USP1: variants seen among roughly 807,000 people sequenced by gnomAD.
The protein encoded by USP1 is ubiquitin specific peptidase 1, also known as ubiquitin carboxyl-terminal hydrolase 1.
A neutral mutation model predicts 72.2 loss-of-function variants in USP1; 18 were observed. That is an observed-to-expected ratio of 0.25 (90% CI 0.17 to 0.37). USP1 has a LOEUF of 0.37. Among genes scored for constraint, USP1 ranks in the 10% least tolerant of loss-of-function variants. The pLI is 1.00. For missense variants in USP1, 759 were observed against 884.9 expected (o/e 0.86, Z 1.81); for synonymous variants, 354 against 303.7 (o/e 1.17, Z -1.72).
Position 62,450,610 on chromosome 1 carries a change from G to C in USP1, c.1987G>C (p.Val663Leu). ...QPSKVLNKKNVEAIGLLGGQK... is the reference protein window; with the variant it reads ...QPSKVLNKKNLEAIGLLGGQK... ...AAGTAAAGTTTTGAACAAAAAAAAT[G>C]TAGAAGCTATTGGACTTCTTGGAGG... The change falls in exon 9 of 9, where the codon GTA becomes CTA. Residue 663 changes from valine (V) to leucine (L), a missense_variant. By Grantham distance (32) the Val-to-Leu change is conservative (BLOSUM62 1). Transcript: ENST00000339950. 6.2e-7 allele frequency: 1 copy of C among 1,614,106 alleles called. No homozygotes were observed. Among genetic ancestry groups the C allele is most frequent in the Admixed American group, 1.7e-5 (1 of 60,018 alleles).
chr1:62,450,941 C>G lies in USP1; in HGVS notation c.2318C>G (p.Pro773Arg), dbSNP rs200548468. The G allele has an allele frequency of 6.2e-7, 1 of 1,608,602 alleles. No individual in the cohort carries two copies. Among genetic ancestry groups the G allele is most frequent in the Non-Finnish European group, 8.5e-7 (1 of 1,178,598 alleles). ...FLNSLSPSTS[P>R]TSTPYLLFYK... ...AATTCTCTTTCCCCTTCTACATCTCCTACTTCTACTCCTTACTTGCTATTT... is the reference window on the plus strand; with the variant it reads ...AATTCTCTTTCCCCTTCTACATCTCGTACTTCTACTCCTTACTTGCTATTT... The change falls in exon 9 of 9, where the codon CCT (proline) becomes CGT (arginine). Residue 773 changes from proline to arginine, a missense_variant. Physicochemically the swap from Pro to Arg is moderately radical, Grantham distance 103. Around this residue, in one of 9 missense-constraint regions of USP1, gnomAD observed 22 missense variants for 23.4 expected, o/e 0.94. Transcript: ENST00000339950.
intron 6 of USP1, among the ~76,000 whole-genome samples, chr1:62,446,243 G>C (rs1175623649): frequency 2.0e-5 from 3 of 151,944 alleles, no homozygotes; most frequent in African/African-American, 7.3e-5. Flanking sequence ...AGCCTATATG[G>C]TATAGACCAG....
At chr1:62,444,251 C>T (rs1440629393) in intron 5 of USP1, among the ~76,000 whole-genome samples, 1 of 128,424 alleles carries the variant, frequency 7.8e-6, no homozygotes, top group Admixed American at 8.2e-5. Flanking sequence ...AGATCAAGAC[C>T]CTTGTCTCCA....
chr1:62,448,427 T>G, intron 7 of USP1, 38 bp from the exon 8 acceptor site: 12 of 1,586,562 alleles, frequency 7.6e-6, no homozygotes, highest in Non-Finnish European at 9.5e-6. Flanking sequence ...TTTGAATGCC[T>G]GAGAGAAGTA....
At chr1:62,450,141 GAT>G (rs1645203876) in intron 8 of USP1, 103 bp from the exon 9 acceptor site, 1 of 1,364,734 alleles carries the variant, frequency 7.3e-7, no homozygotes, top group Admixed American at 2.5e-5. Flanking sequence ...ATGAACACTG[GAT>G]ATTAAGGGTT....
Position 62,451,097 on chromosome 1 carries a change from C to T in USP1, c.*116C>T, listed in dbSNP as rs934609499. ...TGAAGCTACTGGATATTATTGGTCTCTCTAGGTTTTTATATAAATAGTGAA... is the reference window on the plus strand; with the variant it reads ...TGAAGCTACTGGATATTATTGGTCTTTCTAGGTTTTTATATAAATAGTGAA... On this transcript the variant is annotated 3_prime_UTR_variant, in exon 9 of 9. Transcript: ENST00000339950. 3 of 1,056,682 alleles carry T rather than the reference C, an allele frequency of 2.8e-6. No homozygotes were observed. In the African/African-American group the frequency reaches 4.9e-5, roughly 17 times the overall value. The allele number at this position is 1,056,682 out of a possible 1,614,324, so 65.5% of individuals were successfully genotyped here.
rs1245289179 is a variant in USP1 at position 62,445,385 on chromosome 1, C to G, written c.1205C>G (p.Thr402Ser). The change falls in exon 6 of 9, where the codon ACT becomes AGT. Residue 402 changes from threonine to serine, a missense_variant. By Grantham distance (58) the Thr-to-Ser change is moderately conservative. Transcript: ENST00000339950. Reference sequence around the variant, plus strand: ...TGTGGACTTGAATCTCCAGGAAATACTGTTACACCTGTAAATGTTAATGAA... The same window carrying G: ...TGTGGACTTGAATCTCCAGGAAATAGTGTTACACCTGTAAATGTTAATGAA... The part of the protein sequence containing the change: ...NGCGLESPGN[T>S]VTPVNVNEVK... 6.3e-7 allele frequency: 1 copy of G among 1,591,928 alleles called. No homozygotes were observed. The highest frequency in any genetic ancestry group is 8.5e-7 in the Non-Finnish European group (1 of 1,172,098).
At chr1:62,443,664 T>C (rs536473698) in intron 5 of USP1, among the ~76,000 whole-genome samples, 2 of 152,330 alleles carry the variant, frequency 1.3e-5, no homozygotes, top group African/African-American at 2.4e-5. Context: ...CATATAATCA[T>C]TGAATCTGAA....
At chr1:62,443,372 C>A in intron 5 of USP1, 53 bp downstream of exon 5, 2 of 1,477,390 alleles carry the variant, frequency 1.4e-6, no homozygotes, top group Non-Finnish European at 1.8e-6. Flanking sequence ...TGTTTATATC[C>A]TTGGAGGAGA....
intron 2 of USP1, among the ~76,000 whole-genome samples, chr1:62,440,490 TTAAG>T (rs1486220826): frequency 1.2e-4 from 19 of 152,204 alleles, no homozygotes; most frequent in Admixed American, 3.3e-4. Context: ...AAAATAAACT[TTAAG>T]TAATGCTTTT....
At chr1:62,447,213 C>A in intron 6 of USP1, 128 bp from the exon 7 acceptor site, 1 of 901,034 alleles carries the variant, frequency 1.1e-6, no homozygotes, top group Non-Finnish European at 1.6e-6. Context: ...GCTAATAATG[C>A]TAATAAGCTG....
intron 6 of USP1, 43 bp downstream of exon 6, chr1:62,445,472 G>C (rs758264762): frequency 6.9e-7 from 1 of 1,445,618 alleles, no homozygotes; most frequent in East Asian, 2.4e-5. Context: ...AGCATTAGCA[G>C]CTACAGAATT....
intron 6 of USP1, among the ~76,000 whole-genome samples, chr1:62,446,917 C>T (rs571747176): frequency 1.7e-3 from 258 of 152,152 alleles, no homozygotes; most frequent in African/African-American, 5.8e-3. Flanking sequence ...CGGGTTCAAG[C>T]GATCCTCCTG....
intron 6 of USP1, among the ~76,000 whole-genome samples, chr1:62,446,331 T>TG (rs2149206787): frequency 6.6e-6 from 1 of 151,134 alleles, no homozygotes; most frequent in African/African-American, 2.4e-5. Flanking sequence ...ACACTAATGA[T>TG]AGCTGATGAG....
intron 6 of USP1, 40 bp from the exon 7 acceptor site, chr1:62,447,301 C>A: frequency 6.5e-7 from 1 of 1,549,608 alleles, no homozygotes; most frequent in South Asian, 1.2e-5. Context: ...TAATGAGAAA[C>A]TAATCTGTAT....
rs575824597 is a variant in USP1 at position 62,437,676 on chromosome 1, G to T, written c.-70+276G>T. Among the ~76,000 whole-genome samples the T allele has an allele frequency of 5.9e-5, 9 of 152,318 alleles. No individual in the cohort carries two copies. In the South Asian group the frequency reaches 1.9e-3, roughly 32 times the overall value. On this transcript the variant is annotated intron_variant, in intron 1 of 8. Transcript: ENST00000339950. Reference sequence around the variant, plus strand: ...GAGGACGCCGCCGCCAGCCTCCCCCGACCGGGCAGCCTGGTCGCTGCTCGT... The same window carrying T: ...GAGGACGCCGCCGCCAGCCTCCCCCTACCGGGCAGCCTGGTCGCTGCTCGT...
chr1:62,437,533 G>C (rs2149203142), intron 1 of USP1, 133 bp downstream of exon 1: 1 of 202,278 alleles, frequency 4.9e-6, no homozygotes, highest in East Asian at 1.0e-4. Context: ...AGGGGGAGCC[G>C]TGTGTGCCTC....
intron 6 of USP1, among the ~76,000 whole-genome samples, chr1:62,446,973 C>G (rs1645179881): frequency 6.6e-6 from 1 of 152,070 alleles, no homozygotes; most frequent in Non-Finnish European, 1.5e-5. Flanking sequence ...CACCACCACA[C>G]CCGGCTAATT....
intron 6 of USP1, among the ~76,000 whole-genome samples, chr1:62,446,073 C>T (rs1645170804): frequency 6.6e-6 from 1 of 152,098 alleles, no homozygotes; most frequent in African/African-American, 2.4e-5. Flanking sequence ...TTGACATAAA[C>T]TGATGAAGGA....
Sources: gnomAD v4.1 joint callset for allele counts (sites outside exome capture counted in the v4.1 genomes callset) on GRCh38, gnomAD v4.1.1 for gene constraint, gnomAD v4.1.1 regional missense constraint, MANE v1.5 for transcripts, NCBI Gene and HGNC (gene_info 2026-07-23, HGNC 2026-07-21) for gene names.